The following FMN1 variants were observed in gnomAD, a reference collection of about 807,000 sequenced individuals.
The protein encoded by FMN1 is formin-1.
FMN1 carries 110 observed loss-of-function variants against 132.4 expected under a neutral mutation model. The ratio of observed to expected loss-of-function variants is 0.83; its 90% confidence interval spans 0.71 to 0.97. The LOEUF (loss-of-function observed/expected upper bound fraction) is 0.97, where lower values mean the gene tolerates loss of function less well. FMN1 is among the 50% of genes least tolerant of loss of function. FMN1 has a pLI of 0.00. For missense variants in FMN1, 1,792 were observed against 1,705.3 expected (o/e 1.05, Z -0.90); for synonymous variants, 722 against 651.7 (o/e 1.11, Z -1.64).
intron 6 of FMN1, among the ~76,000 whole-genome samples, chr15:33,018,600 C>A (rs948285941): frequency 6.6e-6 from 1 of 152,164 alleles, no homozygotes; most frequent in African/African-American, 2.4e-5. Context: ...TCCCCCGTAC[C>A]TTGTCCTATG....
chr15:32,987,986 T>C (rs1046651096), intron 7 of FMN1, among the ~76,000 whole-genome samples: 5 of 151,938 alleles, frequency 3.3e-5, no homozygotes, highest in African/African-American at 9.7e-5. Context: ...TAGTGCCTCG[T>C]TGCAGGTTTA....
chr15:33,038,852 T>G (rs1054902194), intron 6 of FMN1, among the ~76,000 whole-genome samples: 4 of 152,310 alleles, frequency 2.6e-5, no homozygotes, highest in Admixed American at 1.3e-4. Context: ...TGGAAAAGAA[T>G]TTGCTCAAAA....
intron 6 of FMN1, among the ~76,000 whole-genome samples, chr15:33,026,406 ATT>A (rs1336616547): frequency 7.9e-6 from 1 of 126,196 alleles, no homozygotes; most frequent in Non-Finnish European, 1.7e-5. Flanking sequence ...ATACGTCCAA[ATT>A]TTCACACACA....
chr15:32,961,293 C>G (rs558241342), intron 9 of FMN1, among the ~76,000 whole-genome samples: 22 of 151,950 alleles, frequency 1.4e-4, no homozygotes, highest in Middle Eastern at 6.8e-3. Flanking sequence ...GCCACCACAC[C>G]TGGCTAATAT....
Position 33,154,992 on chromosome 15 carries a change from G to A in FMN1, c.-78C>T, listed in dbSNP as rs959600206. The A allele has an allele frequency of 9.3e-6, 11 of 1,186,280 alleles. No individual in the cohort carries two copies. The African/African-American group carries it at 1.7e-4, about 18-fold the overall frequency. 73.5% of individuals were successfully genotyped at this position (1,186,280 alleles called of 1,614,324 possible). A position where few individuals can be genotyped will look rare whatever the true frequency, so the allele number is the denominator to read the frequency against. On this transcript the variant is annotated 5_prime_UTR_variant, in exon 4 of 21. Transcript: ENST00000616417. ...CCCAGGCTCCAGTGGTGAGGCATGT[G>A]ATGGTGGCTATGCAGAGAAAGCAGC...
At chr15:32,811,005 G>A in intron 17 of FMN1, 1 of 456,318 alleles carries the variant, frequency 2.2e-6, no homozygotes. Context: ...ATGTGAGTGT[G>A]GCAATCGTTT....
At chr15:32,921,771 G>A (rs1055865025) in intron 10 of FMN1, among the ~76,000 whole-genome samples, 4 of 150,104 alleles carry the variant, frequency 2.7e-5, no homozygotes, top group African/African-American at 9.8e-5. Context: ...CTACGCTCAA[G>A]CAATTCTCCC....
At chr15:32,907,370 C>T (rs770693706) in intron 12 of FMN1, among the ~76,000 whole-genome samples, 3 of 152,020 alleles carry the variant, frequency 2.0e-5, no homozygotes, top group Non-Finnish European at 4.4e-5. Flanking sequence ...CAACCTGGAT[C>T]GCTCACATGC....
chr15:33,056,859 G>C (rs1327970397), intron 6 of FMN1, among the ~76,000 whole-genome samples: 1 of 152,194 alleles, frequency 6.6e-6, no homozygotes, highest in Non-Finnish European at 1.5e-5. Flanking sequence ...CACAAAATGA[G>C]TTAATTTATA....
chr15:32,983,936 G>T (rs376910038), intron 7 of FMN1, among the ~76,000 whole-genome samples: 1 of 152,178 alleles, frequency 6.6e-6, no homozygotes, highest in Admixed American at 6.5e-5. Flanking sequence ...TTGCAGCTAC[G>T]TGGGAACATG....
chr15:33,001,787 A>G (rs2034136234), intron 7 of FMN1, among the ~76,000 whole-genome samples: 1 of 143,322 alleles, frequency 7.0e-6, no homozygotes. Context: ...TGGTGCGCGC[A>G]TGCAGCATGC....
At chr15:33,093,157 G>A (rs1017329674) in intron 4 of FMN1, among the ~76,000 whole-genome samples, 2 of 152,156 alleles carry the variant, frequency 1.3e-5, no homozygotes, top group African/African-American at 4.8e-5. Context: ...GCCCTCACTT[G>A]ACAGCAATGA....
rs376745247 is a variant in FMN1, at chr15:32,869,457, G to C, written c.3836-12350C>G. ...GGGAGGGAGTCATGAGCAAGCTCGA[G>C]GTGGAAAATCAAAGGTGTTATTTAG... On this transcript the variant is annotated intron_variant, in intron 16 of 20. Coordinates refer to ENST00000616417, the MANE Select transcript of FMN1 (RefSeq NM_001277313.2). 8.5e-5 allele frequency among the ~76,000 whole-genome samples: 13 copies of C among 152,244 alleles called. No homozygotes were observed. In the East Asian group the frequency reaches 2.3e-3, roughly 27 times the overall value.
At chr15:33,111,489 G>C (rs931436617) in intron 4 of FMN1, among the ~76,000 whole-genome samples, 2 of 151,996 alleles carry the variant, frequency 1.3e-5, no homozygotes, top group African/African-American at 4.8e-5. Context: ...ATAAATCCAA[G>C]AAATATAAAA....
At chr15:33,002,368 G>T (rs929126715) in intron 7 of FMN1, among the ~76,000 whole-genome samples, 1 of 152,160 alleles carries the variant, frequency 6.6e-6, no homozygotes, top group South Asian at 2.1e-4. Context: ...CTTCCACTAG[G>T]TCTGTGACAA....
chr15:33,159,334 G>A (rs2140297336), intron 3 of FMN1, among the ~76,000 whole-genome samples: 1 of 152,340 alleles, frequency 6.6e-6, no homozygotes, highest in South Asian at 2.1e-4. Context: ...AATGCACGAA[G>A]AGGAATAGGC....
chr15:32,962,981 T>C (rs1052677418), intron 9 of FMN1, among the ~76,000 whole-genome samples: 5 of 139,372 alleles, frequency 3.6e-5, no homozygotes, highest in Non-Finnish European at 6.1e-5. Flanking sequence ...GACCCAGCCA[T>C]CCCATTACTG....
Position 32,969,430 on chromosome 15 carries a change from C to G in FMN1, c.2271G>C (p.Met757Ile). 6.2e-7 allele frequency: 1 copy of G among 1,613,968 alleles called. No homozygotes were observed. Among genetic ancestry groups the G allele is most frequent in the Non-Finnish European group, 8.5e-7 (1 of 1,179,886 alleles). Residue 757 changes from methionine to isoleucine, a missense_variant, in exon 8 of 21, where the codon ATG becomes ATC. Coordinates refer to ENST00000616417, the MANE Select transcript of FMN1 (RefSeq NM_001277313.2). Reference protein sequence around the residue: ...RAFHIRGEHAMITARLEETIE... With the variant: ...RAFHIRGEHAIITARLEETIE... ...TGGTTTCTTCTAGTCTCGCTGTTAT[C>G]ATTGCATGCTCGCCCCGGATATGAA...
At chr15:33,078,216 G>A (rs975944967) in intron 5 of FMN1, among the ~76,000 whole-genome samples, 1 of 152,174 alleles carries the variant, frequency 6.6e-6, no homozygotes, top group Admixed American at 6.5e-5. Context: ...TCATAGAATA[G>A]TTCAAGAATT....
Sources: gnomAD v4.1 joint callset for allele counts (sites outside exome capture counted in the v4.1 genomes callset) on GRCh38, gnomAD v4.1.1 for gene constraint, MANE v1.5 for transcripts, NCBI Gene and HGNC (gene_info 2026-07-23, HGNC 2026-07-21) for gene names.